The following MYO10 variants were observed in gnomAD, a reference collection of about 807,000 sequenced individuals.
The protein encoded by MYO10 is myosin X, also known as unconventional myosin-X.
A neutral mutation model predicts 257.3 loss-of-function variants in MYO10; 133 were observed. The ratio of observed to expected loss-of-function variants is 0.52; its 90% CI spans 0.45 to 0.60. The LOEUF is 0.60. Among genes scored for constraint, MYO10 ranks in the 20% least tolerant of loss-of-function variants. The probability of loss-of-function intolerance (pLI) is 0.00; values close to 1 mark genes in which losing one functional copy is unlikely to be tolerated. For missense variants in MYO10, 2,399 were observed against 2,635.7 expected, an observed-to-expected ratio of 0.91 and a Z score of 1.97; for synonymous variants, 1,104 against 1,028.6, an observed-to-expected ratio of 1.07 and a Z score of -1.40.
chr5:16,680,143 C>T, intron 32 of MYO10, 39 bp from the exon 33 acceptor site: 1 of 1,588,814 alleles, frequency 6.3e-7, no homozygotes, highest in Non-Finnish European at 8.6e-7. Context: ...CACGTCAACG[C>T]CAACCTCGGG....
chr5:16,794,417 ATAAT>A (rs1255781366), intron 4 of MYO10, among the ~76,000 whole-genome samples: 1 of 151,830 alleles, frequency 6.6e-6, no homozygotes, highest in Non-Finnish European at 1.5e-5. Context: ...ACAGAATGGA[ATAAT>A]TATTCTGAGG....
chr5:16,837,911 C>A, intron 2 of MYO10, among the ~76,000 whole-genome samples: 1 of 151,386 alleles, frequency 6.6e-6, no homozygotes, highest in East Asian at 1.9e-4. Flanking sequence ...CACAATAATT[C>A]AAACTTTTCC....
At chr5:16,904,111 G>A (rs1745456572) in intron 1 of MYO10, among the ~76,000 whole-genome samples, 1 of 132,982 alleles carries the variant, frequency 7.5e-6, no homozygotes. Context: ...AGTAACCAGT[G>A]AAAGAAATCA....
At position 16,704,685 on chromosome 5, in the gene MYO10, C is replaced by T. The variant is rs1408385122; in HGVS notation, c.2170G>A (p.Val724Ile). Reference sequence around the variant, plus strand: ...TGTTCCAAGGATTCTCGAAGAAAGACCTGCTCAGGACGGAGTCACATGTCA... The same window carrying T: ...TGTTCCAAGGATTCTCGAAGAAAGATCTGCTCAGGACGGAGTCACATGTCA... ...NSEWQLGKTK[V>I]FLRESLEQKL... The change falls in exon 22 of 41, where the codon GTC becomes ATC. Residue 724 changes from valine (V) to isoleucine (I), a missense_variant and splice_region_variant. Physicochemically the swap from Val to Ile is conservative, Grantham distance 29 (BLOSUM62 3). This residue lies in a region of MYO10 where 1,820 missense variants were observed against 1,939.4 expected (regional missense o/e 0.94). Coordinates refer to ENST00000513610, the MANE Select transcript of MYO10 (RefSeq NM_012334.3). 6.2e-7 allele frequency: 1 copy of T among 1,613,366 alleles called. No individual in the cohort carries two copies. The highest frequency in any genetic ancestry group is 1.1e-5 in the South Asian group (1 of 91,008).
At chr5:16,700,875 A>G in intron 25 of MYO10, 88 bp downstream of exon 25, 1 of 1,358,836 alleles carries the variant, frequency 7.4e-7, no homozygotes, top group Non-Finnish European at 9.9e-7. Flanking sequence ...CAGATATCCT[A>G]CGGGTATCTT....
chr5:16,691,531 T>C (rs1737503695), intron 27 of MYO10, among the ~76,000 whole-genome samples: 2 of 151,718 alleles, frequency 1.3e-5, no homozygotes, highest in African/African-American at 4.8e-5. Context: ...AAATCCCGTC[T>C]CTACTAAAAA....
rs527531088 is a variant in MYO10 at position 16,762,147 on chromosome 5, C to G, written c.1588-34G>C. 708 of 774,130 alleles carry G rather than the reference C, an allele frequency of 9.1e-4. 37 individuals carry two copies. Among genetic ancestry groups the G allele is most frequent in the Non-Finnish European group, 1.1e-3 (664 of 584,224 alleles). 48.0% of individuals were successfully genotyped at this position (774,130 alleles called of 1,614,324 possible). On this transcript the variant is annotated intron_variant, in intron 15 of 40. Coordinates refer to ENST00000513610, the MANE Select transcript of MYO10 (RefSeq NM_012334.3). ...AAAAAAAAAAAAAAAAAAAAAAATACAATGCCTTATTTCACTCACTGATTT... is the reference window on the plus strand; with the variant it reads ...AAAAAAAAAAAAAAAAAAAAAAATAGAATGCCTTATTTCACTCACTGATTT...
At chr5:16,669,783 T>C (rs1736357825) in intron 39 of MYO10, among the ~76,000 whole-genome samples, 2 of 152,170 alleles carry the variant, frequency 1.3e-5, no homozygotes, top group South Asian at 2.1e-4. Flanking sequence ...ACTGTGATCA[T>C]AAAAAATGGA....
intron 1 of MYO10, among the ~76,000 whole-genome samples, chr5:16,898,937 G>GAGTTAGAGA (rs1399284404): frequency 1.6e-5 from 2 of 121,652 alleles, no homozygotes; most frequent in Non-Finnish European, 3.6e-5. Flanking sequence ...CCTGAGCCTG[G>GAGTTAGAGA]CCACCTGGCC....
chr5:16,897,321 T>TAAAAAC (rs1554007114), intron 1 of MYO10, among the ~76,000 whole-genome samples: 1 of 94,664 alleles, frequency 1.1e-5, no homozygotes, highest in African/African-American at 2.9e-5. Context: ...AAAAAAAAAG[T>TAAAAAC]CCTTTATCAG....
At position 16,749,749 on chromosome 5, in the gene MYO10, C is replaced by T. The variant is rs1451923930; in HGVS notation, c.1929+5079G>A. Among the ~76,000 whole-genome samples, 4 of 152,222 alleles carry T rather than the reference C, an allele frequency of 2.6e-5. No homozygotes were observed. The East Asian group carries it at 5.8e-4, about 22-fold the overall frequency. ...CAAACAGGGAGGAGAGCCAGCCAGA[C>T]GTGTTCCAAGAGGCAGCCCAGGCTG... On this transcript the variant is annotated intron_variant, in intron 19 of 40. Transcript: ENST00000513610.
rs544647343 is a variant in MYO10, at chr5:16,890,658, G to A, written c.22-12951C>T. On this transcript the variant is annotated intron_variant, in intron 1 of 40. Coordinates refer to ENST00000513610, the MANE Select transcript of MYO10 (RefSeq NM_012334.3). Reference sequence around the variant, plus strand: ...AGTTCGAGACCAGCCTGGCCAACACGGAGAAACCCTATCTCCACTAAAAAT... The same window carrying A: ...AGTTCGAGACCAGCCTGGCCAACACAGAGAAACCCTATCTCCACTAAAAAT... Among the ~76,000 whole-genome samples the A allele has an allele frequency of 1.6e-4, 25 of 151,626 alleles. No individual in the cohort carries two copies. In the South Asian group the frequency reaches 4.4e-3, roughly 27 times the overall value.
chr5:16,674,953 T>C lies in MYO10; in HGVS notation c.4864A>G (p.Ser1622Gly). The C allele has an allele frequency of 6.2e-7, 1 of 1,614,020 alleles. No homozygotes were observed. Residue 1622 changes from serine to glycine, a missense_variant, in exon 35 of 41, where the codon AGT becomes GGT. By Grantham distance (56) the Ser-to-Gly change is moderately conservative. This residue lies in a region of MYO10 where 1,820 missense variants were observed against 1,939.4 expected (regional missense o/e 0.94). Coordinates refer to ENST00000513610, the MANE Select transcript of MYO10 (RefSeq NM_012334.3). ...KQTNKVPHPG[S>G]VGNLYSWQIL... ...TGCCAGCTGTACAGGTTGCCCACACTGCCGGGGTGGGGCACTTTGTTGGTC... is the reference window on the plus strand; with the variant it reads ...TGCCAGCTGTACAGGTTGCCCACACCGCCGGGGTGGGGCACTTTGTTGGTC...
intron 2 of MYO10, among the ~76,000 whole-genome samples, chr5:16,831,536 C>T (rs1743162443): frequency 6.6e-6 from 1 of 150,808 alleles, no homozygotes; most frequent in African/African-American, 2.4e-5. Context: ...GAATACTACT[C>T]AGCCATAAAA....
At chr5:16,818,429 CAT>C (rs1165139210) in intron 2 of MYO10, among the ~76,000 whole-genome samples, 1 of 130,714 alleles carries the variant, frequency 7.7e-6, no homozygotes, top group Non-Finnish European at 1.6e-5. Flanking sequence ...TATATATACA[CAT>C]ATCTTTGTTG....
At chr5:16,742,457 C>CA (rs879521554) in intron 19 of MYO10, among the ~76,000 whole-genome samples, 1 of 152,120 alleles carries the variant, frequency 6.6e-6, no homozygotes, top group Non-Finnish European at 1.5e-5. Flanking sequence ...TTTCAAAAGT[C>CA]AAAGATGCTG....
chr5:16,802,620 G>A (rs1358349185), intron 3 of MYO10, among the ~76,000 whole-genome samples: 3 of 142,024 alleles, frequency 2.1e-5, no homozygotes, highest in Admixed American at 1.5e-4. Flanking sequence ...TCACGCCACT[G>A]CACTCCAGCC....
At chr5:16,778,433 T>A (rs1741288506) in intron 9 of MYO10, among the ~76,000 whole-genome samples, 1 of 152,028 alleles carries the variant, frequency 6.6e-6, no homozygotes, top group Non-Finnish European at 1.5e-5. Flanking sequence ...TAAAATGGGG[T>A]CCCTGGAGAA....
Position 16,762,532 on chromosome 5 carries a change from G to A in MYO10, c.1587+13C>T, listed in dbSNP as rs1260533339. 6 of 1,581,122 alleles carry A rather than the reference G, an allele frequency of 3.8e-6. No individual in the cohort carries two copies. The African/African-American group carries it at 5.4e-5, about 14-fold the overall frequency. Reference sequence around the variant, plus strand: ...TACTCCAATGTGATGAAGAATTGCAGGTTTTGACATACCGCATGCTGACTG... The same window carrying A: ...TACTCCAATGTGATGAAGAATTGCAAGTTTTGACATACCGCATGCTGACTG... On this transcript the variant is annotated intron_variant, in intron 15 of 40. Coordinates refer to ENST00000513610, the MANE Select transcript of MYO10 (RefSeq NM_012334.3).
Sources: allele counts gnomAD v4.1 joint callset (sites outside exome capture counted in the v4.1 genomes callset), GRCh38; gene constraint gnomAD v4.1.1; regional missense constraint gnomAD v4.1.1; transcripts MANE v1.5; gene names NCBI Gene and HGNC (gene_info 2026-07-23, HGNC 2026-07-21).